IGSF22: variants seen among roughly 807,000 people sequenced by gnomAD.
The protein encoded by IGSF22 is immunoglobulin superfamily, member 22.
IGSF22 carries 119 observed loss-of-function variants against 127.0 expected under a neutral mutation model. The ratio of observed to expected loss-of-function variants is 0.94; its 90% CI spans 0.81 to 1.09. IGSF22 has a LOEUF of 1.09. Among genes scored for constraint, IGSF22 ranks in the 50% least tolerant of loss-of-function variants. The pLI, the probability that IGSF22 is intolerant of heterozygous loss-of-function variation, is 0.00. For synonymous variants in IGSF22, 568 were observed against 664.7 expected (o/e 0.85, Z 2.24); for missense variants, 1,518 against 1,716.6 (o/e 0.88, Z 2.04).
intron 19 of IGSF22, 68 bp downstream of exon 19, chr11:18,708,137 CTG>C: frequency 6.5e-7 from 1 of 1,530,158 alleles, no homozygotes; most frequent in African/African-American, 1.4e-5. Context: ...GAGTCAGAGA[CTG>C]TGATGGCTAC....
At position 18,709,920 on chromosome 11, in the gene IGSF22, C is replaced by T. The variant is rs1848319356; in HGVS notation, c.2702-237G>A. On this transcript the variant is annotated intron_variant, in intron 17 of 22. Coordinates refer to ENST00000513874, the MANE Select transcript of IGSF22 (RefSeq NM_173588.4). The surrounding 1 kb of genome is among the most constrained non-coding windows in gnomAD (Gnocchi z 4.8). Reference sequence around the variant, plus strand: ...AATACCCCTTAAATTCAACATACCCCACATATTCAAAGCTTCTGTATTCAA... The same window carrying T: ...AATACCCCTTAAATTCAACATACCCTACATATTCAAAGCTTCTGTATTCAA... 6.6e-6 allele frequency among the ~76,000 whole-genome samples: 1 copy of T among 152,144 alleles called. No homozygotes were observed. The highest frequency in any genetic ancestry group is 2.1e-4 in the South Asian group (1 of 4,816).
intron 15 of IGSF22, 140 bp downstream of exon 15, chr11:18,711,942 T>C (rs1188728878): frequency 1.4e-6 from 1 of 724,162 alleles, no homozygotes; most frequent in Non-Finnish European, 2.3e-6. Flanking sequence ...GTTCTGTTTT[T>C]ACTCTGGAAT....
At position 18,712,333 on chromosome 11, in the gene IGSF22, C is replaced by G. The variant is rs1032435911; in HGVS notation, c.2147G>C (p.Ser716Thr). Residue 716 changes from serine to threonine, a missense_variant, in exon 15 of 23, where the codon AGT (serine) becomes ACT (threonine). Transcript: ENST00000513874. ...GRVEFLELSGSCVHMKWKAPK... is the reference protein window; with the variant it reads ...GRVEFLELSGTCVHMKWKAPK... ...GGCCTTCCACTTCATGTGCACACAA[C>G]TACCTGAGAGCTCCAGGAACTCCAC... 2 of 1,551,598 alleles carry G rather than the reference C, an allele frequency of 1.3e-6. No individual in the cohort carries two copies. Among genetic ancestry groups the G allele is most frequent in the African/African-American group, 2.7e-5 (2 of 73,048 alleles).
chr11:18,721,888 TGAGCCACA>T lies in IGSF22; in HGVS notation c.241+14_241+21del, dbSNP rs1435565505. On this transcript the variant is annotated intron_variant, in intron 3 of 22. Transcript: ENST00000513874. ...TAGAAAGCGAAGCACTGGAGCCCGG[TGAGCCACA>T]GGCAGCAACACACCCTCGGGCGCGG... is the stretch of plus-strand genomic sequence containing the variant. 3.1e-6 allele frequency: 5 copies of T among 1,611,196 alleles called. No homozygotes were observed. The highest frequency in any genetic ancestry group is 3.4e-6 in the Non-Finnish European group (4 of 1,179,946).
intron 14 of IGSF22, 129 bp downstream of exon 14, chr11:18,713,723 G>A: frequency 1.3e-6 from 1 of 758,684 alleles, no homozygotes; most frequent in Non-Finnish European, 2.1e-6. Context: ...TGCAAAGCCA[G>A]CCTTCTAGGC....
At chr11:18,721,504 C>T in intron 4 of IGSF22, 31 bp downstream of exon 4, 1 of 1,613,978 alleles carries the variant, frequency 6.2e-7, no homozygotes, top group Non-Finnish European at 8.5e-7. Flanking sequence ...CTGGCCTTCT[C>T]GGTAACTGGA....
At chr11:18,710,518 G>C in intron 16 of IGSF22, 63 bp from the exon 17 acceptor site, 2 of 1,605,082 alleles carry the variant, frequency 1.2e-6, no homozygotes, top group South Asian at 1.1e-5. Flanking sequence ...ACAAGAGTGA[G>C]AGACATAGAA....
intron 22 of IGSF22, 118 bp downstream of exon 22, chr11:18,705,699 C>A (rs1848211242): frequency 4.8e-6 from 4 of 839,568 alleles, no homozygotes; most frequent in Non-Finnish European, 7.3e-6. Flanking sequence ...AATGTTTGCA[C>A]CACCTGTTGG....
chr11:18,715,850 G>T, intron 10 of IGSF22, 134 bp from the exon 11 acceptor site: 1 of 1,002,882 alleles, frequency 1.0e-6, no homozygotes, highest in Non-Finnish European at 1.5e-6. Context: ...GTGTTTGTGT[G>T]TAATATGTGA....
chr11:18,721,443 A>T, intron 4 of IGSF22, 92 bp downstream of exon 4: 1 of 1,543,626 alleles, frequency 6.5e-7, no homozygotes, highest in Non-Finnish European at 8.9e-7. Context: ...GGCCGCCGTT[A>T]AGGCTCTCAT....
intron 9 of IGSF22, among the ~76,000 whole-genome samples, chr11:18,717,353 C>A (rs1245653894): frequency 6.6e-6 from 1 of 152,132 alleles, no homozygotes; most frequent in Non-Finnish European, 1.5e-5. Flanking sequence ...ATAACTTGAC[C>A]TAAATCACAA....
In IGSF22 at chr11:18,719,330, G is replaced by GTT. The variant is rs368121264; in HGVS notation, c.696+384_696+385dup. On this transcript the variant is annotated intron_variant, in intron 7 of 22. Coordinates refer to ENST00000513874, the MANE Select transcript of IGSF22 (RefSeq NM_173588.4). ...CAGCGGTTTTTTTTTGTTTTTTTTTGTTTTTTTTGTATTTTTAGTAGAGAC... is the reference window on the plus strand; with the variant it reads ...CAGCGGTTTTTTTTTGTTTTTTTTTGTTTTTTTTTTGTATTTTTAGTAGAGAC... 3.1e-3 allele frequency among the ~76,000 whole-genome samples: 450 copies of GTT among 146,424 alleles called. 4 individuals carry two copies. The highest frequency in any genetic ancestry group is 4.2e-3 in the Non-Finnish European group (278 of 66,552).
Position 18,717,011 on chromosome 11 carries a change from C to T in IGSF22, c.974-11G>A, listed in dbSNP as rs1416591916. 6.2e-7 allele frequency: 1 copy of T among 1,613,564 alleles called. No individual in the cohort carries two copies. The highest frequency in any genetic ancestry group is 8.5e-7 in the Non-Finnish European group (1 of 1,179,670). On this transcript the variant is annotated splice_polypyrimidine_tract_variant and intron_variant, in intron 9 of 22. Coordinates refer to ENST00000513874, the MANE Select transcript of IGSF22 (RefSeq NM_173588.4). ...ACTTCAGTGGCTCATCTGCAGCAAA[C>T]AGTAGGAGTGGTAGTCATTGGGCTG...
chr11:18,721,903 A>C lies in IGSF22; in HGVS notation c.241+7T>G, dbSNP rs1180542989. ...TGGAGCCCGGTGAGCCACAGGCAGCAACACACCCTCGGGCGCGGTGACCGG... is the reference window on the plus strand; with the variant it reads ...TGGAGCCCGGTGAGCCACAGGCAGCCACACACCCTCGGGCGCGGTGACCGG... On this transcript the variant is annotated splice_region_variant and intron_variant, in intron 3 of 22. Transcript: ENST00000513874. 2 of 1,612,514 alleles carry C rather than the reference A, an allele frequency of 1.2e-6. No individual in the cohort carries two copies. Among genetic ancestry groups the C allele is most frequent in the Middle Eastern group, 1.6e-4 (1 of 6,062 alleles).
Position 18,712,145 on chromosome 11 carries a change from C to T in IGSF22, c.2335G>A (p.Val779Ile). The T allele has an allele frequency of 3.2e-6, 5 of 1,551,764 alleles. No individual in the cohort carries two copies. Among genetic ancestry groups the T allele is most frequent in the South Asian group, 1.2e-5 (1 of 84,066 alleles). ...GKAYQFRILA[V>I]NSEGVSDPLE... ...GGGTCACTCACACCTTCTGAATTGA[C>T]TGCCAGGATACGGAACTGGTAGGCT... The change falls in exon 15 of 23, where the codon GTC becomes ATC. Residue 779 changes from valine to isoleucine, a missense_variant. Physicochemically the swap from Val to Ile is conservative, Grantham distance 29. This residue lies in a region of IGSF22 where 1,456 missense variants were observed against 1,644.9 expected (regional missense o/e 0.89). Coordinates refer to ENST00000513874, the MANE Select transcript of IGSF22 (RefSeq NM_173588.4).
intron 4 of IGSF22, among the ~76,000 whole-genome samples, chr11:18,721,267 G>T (rs1848566027): frequency 6.6e-6 from 1 of 152,190 alleles, no homozygotes; most frequent in Admixed American, 6.5e-5. Flanking sequence ...CGCTTCCATT[G>T]CGTCCCGCCC....
intron 22 of IGSF22, among the ~76,000 whole-genome samples, chr11:18,704,947 T>C (rs949630848): frequency 6.6e-6 from 1 of 152,226 alleles, no homozygotes; most frequent in African/African-American, 2.4e-5. Flanking sequence ...GGCCTAGTTC[T>C]TTTACACAGC....
rs1030694138 is a variant in IGSF22, at chr11:18,714,059, G to C, written c.1888C>G (p.Pro630Ala). The C allele has an allele frequency of 6.2e-7, 1 of 1,614,266 alleles. No homozygotes were observed. ...TTGGGCAGTGGTTTTCCCCGGAAGG[G>C]GACCTTGATGTGGGCCGTGTGGCCT... ...KVGHTAHIKVPFRGKPLPKVT... is the reference protein window; with the variant it reads ...KVGHTAHIKVAFRGKPLPKVT... The change falls in exon 14 of 23, where the codon CCC (proline) becomes GCC (alanine). Residue 630 changes from proline to alanine, a missense_variant. Coordinates refer to ENST00000513874, the MANE Select transcript of IGSF22 (RefSeq NM_173588.4).
intron 2 of IGSF22, among the ~76,000 whole-genome samples, chr11:18,722,876 A>AG (rs1308403028): frequency 1.3e-5 from 2 of 152,196 alleles, no homozygotes; most frequent in Admixed American, 1.3e-4. Flanking sequence ...TACTAACAAG[A>AG]GGTCTCAAAC....
Sources: gnomAD v4.1 joint callset for allele counts (sites outside exome capture counted in the v4.1 genomes callset) on GRCh38, gnomAD v4.1.1 for gene constraint, gnomAD v4.1.1 regional missense constraint, Gnocchi (gnomAD v3.1) non-coding constraint, MANE v1.5 for transcripts, NCBI Gene and HGNC (gene_info 2026-07-23, HGNC 2026-07-21) for gene names.